The following ANKRD31 variants were observed in gnomAD, a reference collection of about 807,000 sequenced individuals.
The protein encoded by ANKRD31 is ankyrin repeat domain-containing protein 31.
In ANKRD31, 147 loss-of-function variants were observed where a neutral mutation model predicts 186.0. The observed-to-expected ratio is 0.79, with a 90% CI of 0.69 to 0.91. The LOEUF is 0.91. ANKRD31 is among the 40% of genes least tolerant of loss of function. The probability of loss-of-function intolerance (pLI) is 0.00; values close to 1 mark genes in which losing one functional copy is unlikely to be tolerated. For missense variants in ANKRD31, 1,986 were observed against 2,148.8 expected, an observed-to-expected ratio of 0.92 and a Z score of 1.50; for synonymous variants, 673 against 736.4, an observed-to-expected ratio of 0.91 and a Z score of 1.39.
chr5:75,133,748 T>C (rs12228072), intron 17 of ANKRD31, among the ~76,000 whole-genome samples: 1 of 152,150 alleles, frequency 6.6e-6, no homozygotes, highest in Admixed American at 6.5e-5. Context: ...ATTCCAAAAT[T>C]GACCACATAG....
intron 17 of ANKRD31, among the ~76,000 whole-genome samples, chr5:75,136,118 C>T (rs1388773944): frequency 6.6e-6 from 1 of 152,148 alleles, no homozygotes; most frequent in Admixed American, 6.5e-5. Flanking sequence ...GACTTCATGA[C>T]TAAATCACCA....
chr5:75,110,778 G>A (rs753117556), intron 20 of ANKRD31, among the ~76,000 whole-genome samples: 6 of 148,426 alleles, frequency 4.0e-5, no homozygotes, highest in Non-Finnish European at 6.0e-5. Flanking sequence ...TATTAAACTC[G>A]TAAGGTTATT....
At chr5:75,208,830 C>T (rs1281292954) in intron 4 of ANKRD31, among the ~76,000 whole-genome samples, 1 of 152,168 alleles carries the variant, frequency 6.6e-6, no homozygotes, top group Non-Finnish European at 1.5e-5. Flanking sequence ...ACTGCTATAT[C>T]CTCCATCTCC....
chr5:75,084,670 A>T (rs1745345385), intron 23 of ANKRD31, among the ~76,000 whole-genome samples: 1 of 152,232 alleles, frequency 6.6e-6, no homozygotes, highest in Non-Finnish European at 1.5e-5. Flanking sequence ...GACCTTTTAC[A>T]GAAAAAAATG....
intron 1 of ANKRD31, among the ~76,000 whole-genome samples, chr5:75,231,666 A>G (rs1757958787): frequency 6.6e-6 from 1 of 152,228 alleles, no homozygotes; most frequent in African/African-American, 2.4e-5. Flanking sequence ...GTTCATCATC[A>G]CTAATCATAG....
chr5:75,137,968 T>C lies in ANKRD31; in HGVS notation c.3764A>G (p.Glu1255Gly). 2 of 1,522,222 alleles carry C rather than the reference T, an allele frequency of 1.3e-6. No individual in the cohort carries two copies. Among genetic ancestry groups the C allele is most frequent in the Non-Finnish European group, 1.8e-6 (2 of 1,141,608 alleles). 94.3% of individuals were successfully genotyped at this position (1,522,222 alleles called of 1,614,324 possible). ...CTCTACAATTATATCAATAGATCCT[T>C]CATTAGATGCCTCATGAAGTGGTGT... ...GWTPLHEASN[E>G]GSIDIIVELL... Residue 1255 changes from glutamate (E) to glycine (G), a missense_variant, in exon 17 of 26, where the codon GAA (glutamate) becomes GGA (glycine). Physicochemically the swap from Glu to Gly is moderately conservative, Grantham distance 98. Coordinates refer to ENST00000506364, the MANE Select transcript of ANKRD31 (RefSeq NM_001372053.1).
intron 17 of ANKRD31, among the ~76,000 whole-genome samples, chr5:75,123,652 T>A (rs1212982839): frequency 6.6e-6 from 1 of 152,070 alleles, no homozygotes; most frequent in Non-Finnish European, 1.5e-5. Context: ...CACATATCTA[T>A]AGCTAACTGA....
intron 17 of ANKRD31, among the ~76,000 whole-genome samples, chr5:75,126,456 T>C (rs77220389): frequency 0.045 from 6,819 of 152,144 alleles, 360 homozygotes; most frequent in African/African-American, 0.12. Flanking sequence ...AAAAAGTTTG[T>C]TCCTTTTAAC....
chr5:75,105,899 T>C (rs1035456663), intron 21 of ANKRD31, among the ~76,000 whole-genome samples: 1 of 152,156 alleles, frequency 6.6e-6, no homozygotes, highest in Non-Finnish European at 1.5e-5. Flanking sequence ...GAAATGGCTT[T>C]TCACATCTTC....
In ANKRD31 at chr5:75,112,607, G is replaced by C. The variant is rs747446920; in HGVS notation, c.4156-7C>G. On this transcript the variant is annotated splice_polypyrimidine_tract_variant and splice_region_variant and intron_variant, in intron 19 of 25. Coordinates refer to ENST00000506364, the MANE Select transcript of ANKRD31 (RefSeq NM_001372053.1). ...TGGCACTGAGGGTCTGATGCTATCA[G>C]ATAAAAATATTTGAAACTTCATTAT... 5 of 1,487,128 alleles carry C rather than the reference G, an allele frequency of 3.4e-6. No individual in the cohort carries two copies. The African/African-American group carries it at 7.1e-5, about 21-fold the overall frequency. The allele number at this position is 1,487,128 out of a possible 1,614,324, so 92.1% of individuals were successfully genotyped here.
chr5:75,234,591 T>G (rs528219148), intron 1 of ANKRD31, among the ~76,000 whole-genome samples: 51 of 152,352 alleles, frequency 3.3e-4, no homozygotes, highest in Non-Finnish European at 5.3e-4. Flanking sequence ...ATATAAGCTT[T>G]CTTTCCCACA....
chr5:75,231,527 T>A (rs1283051055), intron 1 of ANKRD31, among the ~76,000 whole-genome samples: 1 of 152,080 alleles, frequency 6.6e-6, no homozygotes, highest in African/African-American at 2.4e-5. Flanking sequence ...ATGCCATGAG[T>A]ATGCTATTAG....
intron 9 of ANKRD31, among the ~76,000 whole-genome samples, chr5:75,189,233 G>C (rs181326304): frequency 6.6e-6 from 1 of 152,122 alleles, no homozygotes; most frequent in Non-Finnish European, 1.5e-5. Flanking sequence ...AGAAATGCAC[G>C]ATTAAAATAC....
At chr5:75,131,461 G>C (rs773098359) in intron 17 of ANKRD31, among the ~76,000 whole-genome samples, 6 of 152,190 alleles carry the variant, frequency 3.9e-5, no homozygotes, top group Admixed American at 1.3e-4. Flanking sequence ...GAGGCTGGGG[G>C]AGGGGCGTCC....
chr5:75,192,918 C>T (rs1023690731), intron 8 of ANKRD31, 142 bp from the exon 9 acceptor site: 79 of 657,410 alleles, frequency 1.2e-4, no homozygotes, highest in African/African-American at 2.4e-4. Context: ...GTTTTAAATA[C>T]GGAGATGGCT....
chr5:75,207,133 A>T (rs1290199256), intron 4 of ANKRD31, among the ~76,000 whole-genome samples: 1 of 152,166 alleles, frequency 6.6e-6, no homozygotes, highest in Admixed American at 6.5e-5. Context: ...TTAAAAAAAA[A>T]GCCTCTCATT....
intron 2 of ANKRD31, among the ~76,000 whole-genome samples, 169 bp downstream of exon 2, chr5:75,230,393 T>C (rs944627622): frequency 6.6e-6 from 1 of 152,234 alleles, no homozygotes; most frequent in Admixed American, 6.5e-5. Context: ...TGACCAGAAA[T>C]ATGCTATAAA....
chr5:75,174,208 C>T (rs1214065274), intron 10 of ANKRD31, among the ~76,000 whole-genome samples: 1 of 152,154 alleles, frequency 6.6e-6, no homozygotes, highest in African/African-American at 2.4e-5. Flanking sequence ...CCCTTCCTTA[C>T]ACCTTATACA....
chr5:75,145,587 G>C (rs748152102), intron 14 of ANKRD31, among the ~76,000 whole-genome samples: 10 of 151,830 alleles, frequency 6.6e-5, no homozygotes, highest in African/African-American at 1.7e-4. Context: ...GTCATGGGGT[G>C]GGGGGGCTAC....
Sources: gnomAD v4.1 joint callset for allele counts (sites outside exome capture counted in the v4.1 genomes callset) on GRCh38, gnomAD v4.1.1 for gene constraint, MANE v1.5 for transcripts, NCBI Gene and HGNC (gene_info 2026-07-23, HGNC 2026-07-21) for gene names.